GLMN: variants seen among roughly 807,000 people sequenced by gnomAD.
GLMN encodes the protein glomulin, FKBP associated protein.
GLMN carries 75 observed loss-of-function variants against 87.8 expected under a neutral mutation model. The ratio of observed to expected loss-of-function variants is 0.85; its 90% CI spans 0.71 to 1.04. The LOEUF is 1.04. Among genes scored for constraint, GLMN ranks in the 50% least tolerant of loss-of-function variants. The pLI is 0.00. For synonymous variants in GLMN, 206 were observed against 221.6 expected (o/e 0.93, Z 0.63); for missense variants, 588 against 658.8 (o/e 0.89, Z 1.18).
chr1:92,308,914 C>T, the GLMN span, among the ~76,000 whole-genome samples: 11 of 151,858 alleles, frequency 7.2e-5, no homozygotes, highest in African/African-American at 2.7e-4. Context: ...GAGCCAAGAT[C>T]GTGCTGCTGA....
the GLMN span, among the ~76,000 whole-genome samples, chr1:92,363,304 C>T: frequency 3.9e-5 from 6 of 152,108 alleles, no homozygotes; most frequent in South Asian, 2.1e-4. Flanking sequence ...TTTGAAGCTG[C>T]GGGCAAGGTA....
chr1:92,335,497 T>C, the GLMN span, among the ~76,000 whole-genome samples: 1 of 152,118 alleles, frequency 6.6e-6, no homozygotes, highest in East Asian at 1.9e-4. Flanking sequence ...ATAACTACTA[T>C]TAATATTTTG....
At chr1:92,294,131 A>T (rs1270160029) in intron 3 of GLMN, among the ~76,000 whole-genome samples, 1 of 152,210 alleles carries the variant, frequency 6.6e-6, no homozygotes, top group East Asian at 1.9e-4. Flanking sequence ...CACAGAGGAT[A>T]AATGCTTGAG....
At chr1:92,322,510 CT>C in the GLMN span, among the ~76,000 whole-genome samples, 1 of 151,554 alleles carries the variant, frequency 6.6e-6, no homozygotes, top group South Asian at 2.1e-4. Flanking sequence ...TGCCACTGCG[CT>C]CCAGCCTGGG....
chr1:92,288,875 CT>C (rs1557563223), intron 6 of GLMN, 38 bp downstream of exon 6: 1 of 962,188 alleles, frequency 1.0e-6, no homozygotes, highest in East Asian at 2.4e-5. Flanking sequence ...CTATCAATTA[CT>C]TAAGTCCACT....
chr1:92,266,722 G>A lies in GLMN; in HGVS notation c.1118C>T (p.Thr373Ile). 6.2e-7 allele frequency: 1 copy of A among 1,602,234 alleles called. No homozygotes were observed. Among genetic ancestry groups the A allele is most frequent in the South Asian group, 1.1e-5 (1 of 90,652 alleles). ...TVPQGLVKVM[T>I]LCPIETLRKK... ...TACCAGTGTCTCAATGGGGCAAAGT[G>A]TCATTACTTTCACTAAGCCCTGGAA... Residue 373 changes from threonine to isoleucine, a missense_variant, in exon 12 of 19, where the codon ACA (threonine) becomes ATA (isoleucine). Coordinates refer to ENST00000370360, the MANE Select transcript of GLMN (RefSeq NM_053274.3).
At chr1:92,307,161 A>T in the GLMN span, 10 of 1,510,996 alleles carry the variant, frequency 6.6e-6, 1 homozygote, top group South Asian at 1.2e-4. Flanking sequence ...GATAAGAAAA[A>T]AACTAGATTT....
intron 16 of GLMN, among the ~76,000 whole-genome samples, chr1:92,255,150 A>G (rs1331813681): frequency 6.6e-6 from 1 of 152,208 alleles, no homozygotes; most frequent in African/African-American, 2.4e-5. Flanking sequence ...TCAAAGATCA[A>G]AAAAGACAAA....
chr1:92,298,948 A>AGCC lies in GLMN; in HGVS notation c.-57_-55dup. On this transcript the variant is annotated 5_prime_UTR_variant, in exon 1 of 19. Coordinates refer to ENST00000370360, the MANE Select transcript of GLMN (RefSeq NM_053274.3). ...ACCGGCCAGAACCCTCGCCTCTCCC[A>AGCC]GCCGCCGCCACCTCCTCCGGCGTCT... The AGCC allele has an allele frequency of 2.0e-6, 1 of 492,156 alleles. No homozygotes were observed. The allele number at this position is 492,156 out of a possible 1,614,324, so 30.5% of individuals were successfully genotyped here. A position where few individuals can be genotyped will look rare whatever the true frequency, so the allele number is the denominator to read the frequency against.
chr1:92,343,830 G>A, the GLMN span, among the ~76,000 whole-genome samples: 1 of 152,138 alleles, frequency 6.6e-6, no homozygotes, highest in Admixed American at 6.5e-5. Flanking sequence ...GGGAGGTAGA[G>A]GGCAAGTTGT....
At chr1:92,362,945 A>G in the GLMN span, among the ~76,000 whole-genome samples, 1 of 152,200 alleles carries the variant, frequency 6.6e-6, no homozygotes, top group African/African-American at 2.4e-5. Context: ...TCCAAAATCA[A>G]TCAAGTTCCC....
At chr1:92,279,440 G>C (rs1647694141) in intron 7 of GLMN, among the ~76,000 whole-genome samples, 1 of 129,410 alleles carries the variant, frequency 7.7e-6, no homozygotes. Context: ...CTGGGCAACA[G>C]AGCGAGACTC....
the GLMN span, among the ~76,000 whole-genome samples, chr1:92,308,911 G>A: frequency 6.6e-6 from 1 of 152,110 alleles, no homozygotes; most frequent in Non-Finnish European, 1.5e-5. Context: ...AGTGAGCCAA[G>A]ATCGTGCTGC....
intron 7 of GLMN, among the ~76,000 whole-genome samples, chr1:92,275,760 G>T (rs1351893558): frequency 6.6e-6 from 1 of 152,104 alleles, no homozygotes; most frequent in Non-Finnish European, 1.5e-5. Context: ...GCATTTAACA[G>T]TACTGATCAC....
At chr1:92,332,664 T>C in the GLMN span, among the ~76,000 whole-genome samples, 1 of 152,150 alleles carries the variant, frequency 6.6e-6, no homozygotes, top group African/African-American at 2.4e-5. Flanking sequence ...AAAGAACTAG[T>C]CTATTTCCTA....
the GLMN span, among the ~76,000 whole-genome samples, chr1:92,308,378 C>T: frequency 3.5e-4 from 54 of 152,280 alleles, no homozygotes; most frequent in African/African-American, 1.2e-3. Flanking sequence ...GCTAAGAGTA[C>T]TTTTTTACTT....
At chr1:92,320,898 A>G in the GLMN span, among the ~76,000 whole-genome samples, 2 of 152,250 alleles carry the variant, frequency 1.3e-5, no homozygotes, top group Non-Finnish European at 2.9e-5. Flanking sequence ...ACATAAACAC[A>G]GCCTCCATCT....
chr1:92,263,679 A>G lies in GLMN; in HGVS notation c.1353T>C (p.Asp451=), dbSNP rs1655288100. The part of the protein sequence containing the change: ...FTGPQLISLL[D]LVLFLPEGAE... ...CACCCTCTGGGAGAAAAAGTACCAA[A>G]TCAAGAAGGGAAATCAACTGTGGTC... The change falls in exon 15 of 19, where the codon GAT becomes GAC. Residue 451 remains aspartate, a synonymous_variant. Coordinates refer to ENST00000370360, the MANE Select transcript of GLMN (RefSeq NM_053274.3). The G allele has an allele frequency of 6.2e-7, 1 of 1,605,730 alleles. No homozygotes were observed. Among genetic ancestry groups the G allele is most frequent in the East Asian group, 2.2e-5 (1 of 44,788 alleles).
chr1:92,304,153 A>G, the GLMN span: 17 of 1,268,044 alleles, frequency 1.3e-5, no homozygotes, highest in African/African-American at 2.1e-4. Flanking sequence ...AGAATAAGAA[A>G]TAAAACCTAA....
Sources: gnomAD v4.1 joint callset for allele counts (sites outside exome capture counted in the v4.1 genomes callset) on GRCh38, gnomAD v4.1.1 for gene constraint, MANE v1.5 for transcripts, NCBI Gene and HGNC (gene_info 2026-07-23, HGNC 2026-07-21) for gene names.